The following AUTS2 variants were observed in gnomAD, a reference collection of about 807,000 sequenced individuals.
The protein encoded by AUTS2 is activator of transcription and developmental regulator AUTS2, also known as autism susceptibility gene 2 protein.
AUTS2 carries 17 observed loss-of-function variants against 112.4 expected under a neutral mutation model. The ratio of observed to expected loss-of-function variants is 0.15; its 90% CI spans 0.10 to 0.23. The LOEUF (loss-of-function observed/expected upper bound fraction) is 0.23. Among genes scored for constraint, AUTS2 ranks in the 10% least tolerant of loss-of-function variants. The pLI, the probability that AUTS2 is intolerant of heterozygous loss-of-function variation, is 1.00. For synonymous variants in AUTS2, 751 were observed against 702.7 expected (o/e 1.07, Z -1.09); for missense variants, 1,510 against 1,701.6 (o/e 0.89, Z 1.98).
intron 1 of AUTS2, among the ~76,000 whole-genome samples, chr7:69,822,980 C>T (rs1791065915): frequency 6.6e-6 from 1 of 152,192 alleles, no homozygotes; most frequent in Non-Finnish European, 1.5e-5. Flanking sequence ...AAATGGAAAA[C>T]TAGGGAGAAG....
intron 5 of AUTS2, among the ~76,000 whole-genome samples, chr7:70,540,479 C>G (rs896816811): frequency 1.3e-5 from 2 of 152,134 alleles, no homozygotes; most frequent in South Asian, 4.1e-4. Flanking sequence ...GTGTGCAGCC[C>G]GGGGGAAGCA....
At chr7:69,923,300 T>A (rs1443634342) in intron 2 of AUTS2, among the ~76,000 whole-genome samples, 2 of 152,226 alleles carry the variant, frequency 1.3e-5, no homozygotes, top group Non-Finnish European at 2.9e-5. Flanking sequence ...CATGTATGTG[T>A]GAGTTTATTT....
intron 2 of AUTS2, among the ~76,000 whole-genome samples, chr7:69,924,154 T>C (rs1795918485): frequency 7.0e-6 from 1 of 142,302 alleles, no homozygotes; most frequent in Non-Finnish European, 1.5e-5. Context: ...GAATGCATGT[T>C]ATATTTTGTC....
intron 4 of AUTS2, among the ~76,000 whole-genome samples, chr7:70,178,606 C>T (rs1809123895): frequency 1.3e-5 from 2 of 151,998 alleles, no homozygotes; most frequent in South Asian, 4.2e-4. Flanking sequence ...TTGAGACCAG[C>T]CTGGCCAACA....
intron 1 of AUTS2, among the ~76,000 whole-genome samples, chr7:69,783,556 C>A (rs1277987735): frequency 1.3e-5 from 2 of 151,986 alleles, no homozygotes; most frequent in African/African-American, 4.8e-5. Context: ...TAGCAGAATG[C>A]CTTGCCCTCC....
intron 4 of AUTS2, among the ~76,000 whole-genome samples, chr7:70,262,034 TGTA>T (rs1454108604): frequency 8.5e-5 from 13 of 152,366 alleles, no homozygotes; most frequent in Non-Finnish European, 1.5e-4. Flanking sequence ...CATTTTAAGA[TGTA>T]GTAATTTGAT....
At position 70,627,579 on chromosome 7, in the gene AUTS2, A is replaced by G. The variant is rs953635696; in HGVS notation, c.691-70990A>G. Reference sequence around the variant, plus strand: ...AGCTCATTATTCCATCTCTGCCAACACTCAATCACAATTTGCTCTAGTTTG... The same window carrying G: ...AGCTCATTATTCCATCTCTGCCAACGCTCAATCACAATTTGCTCTAGTTTG... On this transcript the variant is annotated intron_variant, in intron 5 of 18. Transcript: ENST00000342771. Among the ~76,000 whole-genome samples the G allele has an allele frequency of 3.9e-5, 6 of 152,186 alleles. No homozygotes were observed. In the South Asian group the frequency reaches 1.0e-3, roughly 26 times the overall value.
chr7:70,605,061 C>T lies in AUTS2; in HGVS notation c.691-93508C>T, dbSNP rs114917315. Among the ~76,000 whole-genome samples the T allele has an allele frequency of 2.6e-3, 402 of 152,296 alleles. 3 individuals are homozygous for T. The highest frequency in any genetic ancestry group is 8.9e-3 in the African/African-American group (370 of 41,562). On this transcript the variant is annotated intron_variant, in intron 5 of 18. Coordinates refer to ENST00000342771, the MANE Select transcript of AUTS2 (RefSeq NM_015570.4). Reference sequence around the variant, plus strand: ...TGTTTTAGGGCGGTTCCATTAAGCACGCAAATGGTCATGATATCTTTTAAG... The same window carrying T: ...TGTTTTAGGGCGGTTCCATTAAGCATGCAAATGGTCATGATATCTTTTAAG...
At chr7:70,333,593 G>A (rs1179309146) in intron 4 of AUTS2, among the ~76,000 whole-genome samples, 1 of 152,196 alleles carries the variant, frequency 6.6e-6, no homozygotes. Flanking sequence ...TAAAGAAAAT[G>A]TGGCATATAT....
chr7:69,893,971 G>T (rs1309537532), intron 1 of AUTS2, among the ~76,000 whole-genome samples: 2 of 152,108 alleles, frequency 1.3e-5, no homozygotes, highest in Non-Finnish European at 2.9e-5. Context: ...TGAAGAAGGC[G>T]GGGTGTTGAA....
At chr7:69,614,368 T>TTTCTTTTC in intron 1 of AUTS2, among the ~76,000 whole-genome samples, 1 of 19,526 alleles carries the variant, frequency 5.1e-5, no homozygotes, top group Non-Finnish European at 1.1e-4. Context: ...TTCTTTCTTT[T>TTTCTTTTC]TTTAAGAGAT....
At chr7:70,241,892 G>A (rs1426565908) in intron 4 of AUTS2, among the ~76,000 whole-genome samples, 2 of 152,198 alleles carry the variant, frequency 1.3e-5, no homozygotes, top group Non-Finnish European at 2.9e-5. Flanking sequence ...GGCCTGAGTT[G>A]CTTGAGCAGA....
At chr7:70,571,424 A>C (rs2129525402) in intron 5 of AUTS2, among the ~76,000 whole-genome samples, 1 of 152,350 alleles carries the variant, frequency 6.6e-6, no homozygotes, top group East Asian at 1.9e-4. Flanking sequence ...CTCCCACCCC[A>C]TCTTCAGTGT....
intron 2 of AUTS2, among the ~76,000 whole-genome samples, chr7:69,987,662 G>T (rs1798569092): frequency 1.3e-5 from 2 of 152,016 alleles, no homozygotes; most frequent in Admixed American, 6.6e-5. Flanking sequence ...TAGAGACCAG[G>T]TCTTGTGATG....
intron 1 of AUTS2, among the ~76,000 whole-genome samples, chr7:69,892,690 A>C (rs1562953961): frequency 6.6e-6 from 1 of 152,184 alleles, no homozygotes; most frequent in Non-Finnish European, 1.5e-5. Context: ...ATCTTAGCTT[A>C]ACCCAAGATT....
chr7:69,706,385 A>C (rs1798061008), intron 1 of AUTS2, among the ~76,000 whole-genome samples: 1 of 152,060 alleles, frequency 6.6e-6, no homozygotes, highest in African/African-American at 2.4e-5. Context: ...GAAATTGATA[A>C]TCCTGCAGCC....
intron 4 of AUTS2, among the ~76,000 whole-genome samples, chr7:70,345,159 AACTTAG>A (rs1160464328): frequency 6.6e-6 from 1 of 152,190 alleles, no homozygotes; most frequent in African/African-American, 2.4e-5. Flanking sequence ...ATTGTAGCAT[AACTTAG>A]ACTTAGCCGG....
At position 70,351,561 on chromosome 7, in the gene AUTS2, G is replaced by A. The variant is rs188091386; in HGVS notation, c.661-84191G>A. On this transcript the variant is annotated intron_variant, in intron 4 of 18. Coordinates refer to ENST00000342771, the MANE Select transcript of AUTS2 (RefSeq NM_015570.4). ...TTTGGAGGGATTGCTGTGTTGTATG[G>A]TATTCTATTTTTAAATTTTGGTGGG... Among the ~76,000 whole-genome samples the A allele has an allele frequency of 3.3e-5, 5 of 152,172 alleles. 1 individual carries two copies. In the South Asian group the frequency reaches 8.3e-4, roughly 25 times the overall value.
At chr7:69,944,170 C>T (rs1241654354) in intron 2 of AUTS2, among the ~76,000 whole-genome samples, 1 of 152,134 alleles carries the variant, frequency 6.6e-6, no homozygotes, top group African/African-American at 2.4e-5. Context: ...TAACAGATGG[C>T]ATAGAAACTC....
Sources: gnomAD v4.1 joint callset for allele counts (sites outside exome capture counted in the v4.1 genomes callset) on GRCh38, gnomAD v4.1.1 for gene constraint, MANE v1.5 for transcripts, NCBI Gene and HGNC (gene_info 2026-07-23, HGNC 2026-07-21) for gene names.